Variants in CD40LG observed in about 807,000 individuals in gnomAD.
CD40LG encodes CD40 ligand.
CD40LG carries 1 observed loss-of-function variant against 17.2 expected under a neutral mutation model. The ratio of observed to expected loss-of-function variants is 0.06; its 90% confidence interval spans 0.02 to 0.28. The LOEUF (loss-of-function observed/expected upper bound fraction) is 0.28. Among genes scored for constraint, CD40LG ranks in the 10% least tolerant of loss-of-function variants. The probability of loss-of-function intolerance (pLI) is 1.00; values close to 1 mark genes in which losing one functional copy is unlikely to be tolerated. For missense variants in CD40LG, 133 were observed against 193.2 expected, an observed-to-expected ratio of 0.69 and a Z score of 1.85; for synonymous variants, 66 against 74.4, an observed-to-expected ratio of 0.89 and a Z score of 0.58.
chrX:136,659,224 G>A lies in CD40LG; in HGVS notation c.595G>A (p.Gly199Ser), dbSNP rs769728462. ...AGCCAGCCTCTGCCTAAAGTCCCCC[G>A]GTAGATTCGAGAGAATCTTACTCAG... is the stretch of plus-strand genomic sequence containing the variant. ...FIASLCLKSP[G>S]RFERILLRAA... Residue 199 changes from glycine to serine, a missense_variant, in exon 5 of 5, where the codon GGT becomes AGT. Physicochemically the swap from Gly to Ser is moderately conservative, Grantham distance 56. Transcript: ENST00000370629. The A allele has an allele frequency of 6.6e-5, 80 of 1,209,512 alleles. 1 individual carries two copies. Among genetic ancestry groups the A allele is most frequent in the South Asian group, 4.6e-4 (26 of 56,823 alleles).
At chrX:136,650,135 C>T (rs1253667902) in intron 1 of CD40LG, 131 bp from the exon 2 acceptor site, 1 of 496,651 alleles carries the variant, frequency 2.0e-6, no homozygotes, top group African/African-American at 2.4e-5. Context: ...AATATAATAA[C>T]TTATTATTCT....
intron 4 of CD40LG, among the ~76,000 whole-genome samples, chrX:136,656,722 A>G (rs995074269): frequency 4.6e-4 from 51 of 111,799 alleles, no homozygotes; most frequent in African/African-American, 1.6e-3. Context: ...AAGAAATGGC[A>G]TGTAGTGACC....
chrX:136,660,207 C>G lies in CD40LG; in HGVS notation c.*792C>G, dbSNP rs1219747167. On this transcript the variant is annotated 3_prime_UTR_variant, in exon 5 of 5. Coordinates refer to ENST00000370629, the MANE Select transcript of CD40LG (RefSeq NM_000074.3). ...TCTCTTCTTTCCACCCTGTCCCTAT[C>G]TCTACCACTATAGATGAGGGTGAGG... is the stretch of plus-strand genomic sequence containing the variant. 1 of 107,915 alleles carries G rather than the reference C, an allele frequency of 9.3e-6. No homozygotes were observed. Among genetic ancestry groups the G allele is most frequent in the East Asian group, 2.9e-4 (1 of 3,420 alleles). 8.9% of individuals were successfully genotyped at this position (107,915 alleles called of 1,213,427 possible).
At position 136,659,229 on chromosome X, in the gene CD40LG, A is replaced by G. The variant is rs374246579; in HGVS notation, c.600A>G (p.Arg200=). Reference sequence around the variant, plus strand: ...GCCTCTGCCTAAAGTCCCCCGGTAGATTCGAGAGAATCTTACTCAGAGCTG... The same window carrying G: ...GCCTCTGCCTAAAGTCCCCCGGTAGGTTCGAGAGAATCTTACTCAGAGCTG... ...IASLCLKSPG[R]FERILLRAAN... The change falls in exon 5 of 5, where the codon AGA becomes AGG. Residue 200 remains arginine, a synonymous_variant. Coordinates refer to ENST00000370629, the MANE Select transcript of CD40LG (RefSeq NM_000074.3). 149 of 1,209,794 alleles carry G rather than the reference A, an allele frequency of 1.2e-4. No homozygotes were observed. Among genetic ancestry groups the G allele is most frequent in the South Asian group, 2.6e-4 (15 of 56,818 alleles).
chrX:136,652,807 G>A lies in CD40LG; in HGVS notation c.289-1566G>A, dbSNP rs989312584. ...CAATGCCTGCGATGCCTTTGAGAGA[G>A]CCAAAGCATTTCTATTTCAAGTTAA... On this transcript the variant is annotated intron_variant, in intron 2 of 4. Coordinates refer to ENST00000370629, the MANE Select transcript of CD40LG (RefSeq NM_000074.3). Among the ~76,000 whole-genome samples the A allele has an allele frequency of 2.7e-5, 3 of 111,737 alleles. No homozygotes were observed. In the Admixed American group the frequency reaches 2.8e-4, roughly 11 times the overall value.
intron 4 of CD40LG, among the ~76,000 whole-genome samples, chrX:136,657,786 A>T (rs1204751054): frequency 9.0e-6 from 1 of 111,060 alleles, no homozygotes; most frequent in African/African-American, 3.3e-5. Context: ...CTTGTAATGG[A>T]TATCAGTCCT....
intron 1 of CD40LG, among the ~76,000 whole-genome samples, chrX:136,649,193 G>A (rs998979829): frequency 1.8e-5 from 2 of 112,446 alleles, no homozygotes; most frequent in African/African-American, 6.5e-5. Context: ...ACCAATCATA[G>A]ATGTAAAGGA....
chrX:136,660,330 A>G lies in CD40LG; in HGVS notation c.*915A>G, dbSNP rs1480740603. On this transcript the variant is annotated 3_prime_UTR_variant, in exon 5 of 5. Transcript: ENST00000370629. ...TCTACCTGCAGTCTCCATTGTTTCC[A>G]GAGTGAACTTGTAATTATCTTGTTA... 1 of 111,603 alleles carries G rather than the reference A, an allele frequency of 9.0e-6. No homozygotes were observed. Among genetic ancestry groups the G allele is most frequent in the African/African-American group, 3.3e-5 (1 of 30,693 alleles). 9.2% of individuals were successfully genotyped at this position (111,603 alleles called of 1,213,427 possible).
chrX:136,652,896 T>C (rs2076108180), intron 2 of CD40LG, among the ~76,000 whole-genome samples: 1 of 110,323 alleles, frequency 9.1e-6, no homozygotes, highest in Non-Finnish European at 1.9e-5. Flanking sequence ...CCATTCTGGA[T>C]TTTCTGAAAG....
chrX:136,658,800 C>T (rs1056356955), intron 4 of CD40LG, among the ~76,000 whole-genome samples: 1 of 111,305 alleles, frequency 9.0e-6, no homozygotes, highest in African/African-American at 3.3e-5. Flanking sequence ...AAATATGCTC[C>T]AATATGAGCC....
intron 2 of CD40LG, among the ~76,000 whole-genome samples, chrX:136,652,052 C>A (rs2076105299): frequency 9.0e-6 from 1 of 111,276 alleles, no homozygotes; most frequent in Middle Eastern, 4.6e-3. Flanking sequence ...TTTGGCCTCC[C>A]TGCTTATGCT....
intron 4 of CD40LG, among the ~76,000 whole-genome samples, chrX:136,657,706 G>A (rs2076123038): frequency 2.7e-5 from 3 of 111,701 alleles, no homozygotes; most frequent in African/African-American, 9.8e-5. Flanking sequence ...CTTCCCACTG[G>A]TCTTTTTTTG....
intron 4 of CD40LG, among the ~76,000 whole-genome samples, chrX:136,658,802 A>G (rs1266047531): frequency 9.0e-6 from 1 of 111,523 alleles, no homozygotes; most frequent in African/African-American, 3.3e-5. Flanking sequence ...ATATGCTCCA[A>G]TATGAGCCCC....
At position 136,659,370 on chromosome X, in the gene CD40LG, G is replaced by C. The variant is rs764969326; in HGVS notation, c.741G>C (p.Val247=). ...VFVNVTDPSQ[V]SHGTGFTSFG... is the part of the protein sequence containing the mutation. Reference sequence around the variant, plus strand: ...TCAATGTGACTGATCCAAGCCAAGTGAGCCATGGCACTGGCTTCACGTCCT... The same window carrying C: ...TCAATGTGACTGATCCAAGCCAAGTCAGCCATGGCACTGGCTTCACGTCCT... The change falls in exon 5 of 5, where the codon GTG becomes GTC. Residue 247 remains valine, a synonymous_variant. Coordinates refer to ENST00000370629, the MANE Select transcript of CD40LG (RefSeq NM_000074.3). 3.7e-5 allele frequency: 45 copies of C among 1,209,352 alleles called. No homozygotes were observed. The East Asian group carries it at 1.3e-3, about 36-fold the overall frequency.
chrX:136,648,280 G>C lies in CD40LG; in HGVS notation c.32G>C (p.Arg11Pro). Residue 11 changes from arginine (R) to proline (P), a missense_variant, in exon 1 of 5, where the codon CGA (arginine) becomes CCA (proline). Arg to Pro is a moderately radical substitution (Grantham distance 103). Coordinates refer to ENST00000370629, the MANE Select transcript of CD40LG (RefSeq NM_000074.3). MIETYNQTSPRSAATGLPISM... is the reference protein window; with the variant it reads MIETYNQTSPPSAATGLPISM... ...GAAACATACAACCAAACTTCTCCCCGATCTGCGGCCACTGGACTGCCCATC... is the reference window on the plus strand; with the variant it reads ...GAAACATACAACCAAACTTCTCCCCCATCTGCGGCCACTGGACTGCCCATC... The C allele has an allele frequency of 8.3e-7, 1 of 1,203,731 alleles. No homozygotes were observed. The highest frequency in any genetic ancestry group is 1.1e-6 in the Non-Finnish European group (1 of 888,521).
chrX:136,653,908 G>A (rs761426510), intron 2 of CD40LG, among the ~76,000 whole-genome samples: 1 of 111,890 alleles, frequency 8.9e-6, no homozygotes, highest in Non-Finnish European at 1.9e-5. Context: ...TTCTCCCCAA[G>A]GTCAAACTTA....
intron 4 of CD40LG, among the ~76,000 whole-genome samples, chrX:136,658,123 G>A (rs3092925): frequency 0.075 from 8,320 of 111,671 alleles, 680 homozygotes; most frequent in African/African-American, 0.24. Flanking sequence ...AGTAAAGGGC[G>A]AGTCTTACCA....
intron 2 of CD40LG, among the ~76,000 whole-genome samples, chrX:136,652,735 C>T (rs1014507937): frequency 5.4e-5 from 6 of 111,273 alleles, no homozygotes; most frequent in Non-Finnish European, 1.1e-4. Context: ...AAACTTACAA[C>T]CCACCACACC....
chrX:136,656,307 G>T, intron 3 of CD40LG, 49 bp from the exon 4 acceptor site: 1 of 967,502 alleles, frequency 1.0e-6, no homozygotes, highest in Non-Finnish European at 1.5e-6. Context: ...ATAGTTTTGT[G>T]GGCAGTTTTT....
Sources: gnomAD v4.1 joint callset for allele counts (sites outside exome capture counted in the v4.1 genomes callset) on GRCh38, gnomAD v4.1.1 for gene constraint, MANE v1.5 for transcripts, NCBI Gene and HGNC (gene_info 2026-07-23, HGNC 2026-07-21) for gene names.